Variants in CIZ1 observed in about 807,000 individuals in gnomAD.
CIZ1 encodes cip1-interacting zinc finger protein.
In CIZ1, 58 loss-of-function variants were observed where a neutral mutation model predicts 118.6. The ratio of observed to expected loss-of-function variants is 0.49; its 90% CI spans 0.40 to 0.61. CIZ1 has a LOEUF of 0.61. CIZ1 is among the 20% of genes least tolerant of loss of function. CIZ1 has a pLI of 0.00. For synonymous variants in CIZ1, 448 were observed against 443.4 expected (o/e 1.01, Z -0.13); for missense variants, 921 against 1,115.9 (o/e 0.83, Z 2.49).
At chr9:128,168,833 T>C (rs1829770818) in intron 14 of CIZ1, 4 of 611,868 alleles carry the variant, frequency 6.5e-6, no homozygotes, top group Non-Finnish European at 1.1e-5. Flanking sequence ...TCCACACAGG[T>C]CCAAATTTCA....
At chr9:128,176,239 G>C in intron 11 of CIZ1, 112 bp downstream of exon 11, 2 of 1,363,144 alleles carry the variant, frequency 1.5e-6, no homozygotes, top group Non-Finnish European at 2.0e-6. Flanking sequence ...AGGAGGCCTG[G>C]CTGGGGGTGC....
chr9:128,182,565 C>T (rs574920388), intron 5 of CIZ1, among the ~76,000 whole-genome samples: 6 of 152,286 alleles, frequency 3.9e-5, no homozygotes, highest in African/African-American at 1.2e-4. Context: ...TGCACACCCA[C>T]CCCTTCCCTG....
rs61757224 is a variant in CIZ1 at position 128,203,516 on chromosome 9, C to A, written c.-6+670G>T. 11,598 of 1,540,792 alleles carry A rather than the reference C, an allele frequency of 7.5e-3. 292 individuals carry two copies. In the East Asian group the frequency reaches 0.1, roughly 14 times the overall value. Reference sequence around the variant, plus strand: ...AGATCTCATCCCGCTGGTCAACCGGCTGCAAGACGCCTTCTCTGCCATCGG... The same window carrying A: ...AGATCTCATCCCGCTGGTCAACCGGATGCAAGACGCCTTCTCTGCCATCGG... On this transcript the variant is annotated intron_variant, in intron 1 of 17. Transcript: ENST00000372948. This position sits in a 1 kb window ranked among gnomAD's most constrained non-coding sequence, Gnocchi z 5.3.
upstream of CIZ1, among the ~76,000 whole-genome samples, chr9:128,194,733 G>A (rs1245528983): frequency 2.6e-5 from 4 of 152,128 alleles, no homozygotes; most frequent in East Asian, 3.9e-4. Flanking sequence ...CAGGAGAATC[G>A]CTTGAACCTG....
chr9:128,185,585 G>T lies in CIZ1; in HGVS notation c.550C>A (p.Gln184Lys). The T allele has an allele frequency of 6.5e-7, 1 of 1,530,470 alleles. No homozygotes were observed. 94.8% of individuals were successfully genotyped at this position (1,530,470 alleles called of 1,614,324 possible). A position where few individuals can be genotyped will look rare whatever the true frequency, so the allele number is the denominator to read the frequency against. ...GTGGTAGAGGAGGAGGTCCGGGCCT[G>T]TTTCTGGGGGTTCCGTCCTGAAAGG... ...FNLSGRNPQKQARTSSSTTPN... is the reference protein window; with the variant it reads ...FNLSGRNPQKKARTSSSTTPN... Residue 184 changes from glutamine (Q) to lysine (K), a missense_variant, in exon 5 of 17, where the codon CAG becomes AAG. By Grantham distance (53) the Gln-to-Lys change is moderately conservative. Coordinates refer to ENST00000372938, the MANE Select transcript of CIZ1 (RefSeq NM_001131016.2).
At chr9:128,189,278 T>G (rs1437719719) in intron 3 of CIZ1, among the ~76,000 whole-genome samples, 1 of 152,144 alleles carries the variant, frequency 6.6e-6, no homozygotes, top group East Asian at 1.9e-4. Context: ...AAAAGGAAGA[T>G]GTATATGTAT....
At chr9:128,202,131 A>G (rs990444074) in intron 1 of CIZ1, among the ~76,000 whole-genome samples, 5 of 152,232 alleles carry the variant, frequency 3.3e-5, no homozygotes, top group Non-Finnish European at 7.3e-5. Context: ...AGTCTAGCAT[A>G]GTACCTGGCT....
chr9:128,171,543 T>C (rs1742479085), intron 11 of CIZ1, among the ~76,000 whole-genome samples: 1 of 146,522 alleles, frequency 6.8e-6, no homozygotes, highest in African/African-American at 2.5e-5. Flanking sequence ...CTGACCAACA[T>C]GGTGAAACCC....
Position 128,203,730 on chromosome 9 carries a change from C to T in CIZ1, c.-6+456G>A. Reference sequence around the variant, plus strand: ...GGCGCGGCGACCTCGCAGCCCCCGACGCTGCACCCGCGGCCGGCGCGCCCC... The same window carrying T: ...GGCGCGGCGACCTCGCAGCCCCCGATGCTGCACCCGCGGCCGGCGCGCCCC... On this transcript the variant is annotated intron_variant, in intron 1 of 17. Transcript: ENST00000372948. The surrounding 1 kb of genome is among the most constrained non-coding windows in gnomAD (Gnocchi z 5.3). 1 of 1,152,764 alleles carries T rather than the reference C, an allele frequency of 8.7e-7. No homozygotes were observed. Among genetic ancestry groups the T allele is most frequent in the Non-Finnish European group, 1.1e-6 (1 of 912,766 alleles). 71.4% of individuals were successfully genotyped at this position (1,152,764 alleles called of 1,614,324 possible).
intron 1 of CIZ1, among the ~76,000 whole-genome samples, chr9:128,201,915 C>T (rs187197205): frequency 1.3e-3 from 192 of 152,288 alleles, no homozygotes; most frequent in Non-Finnish European, 2.1e-3. Flanking sequence ...CTCGAAGATT[C>T]CTCCCCACAA....
At chr9:128,197,282 C>T (rs561580048) in intron 1 of CIZ1, 2 of 152,350 alleles carry the variant, frequency 1.3e-5, no homozygotes, top group Admixed American at 1.3e-4. Flanking sequence ...TTCATCATAG[C>T]AGCCCTTCGC....
At chr9:128,185,144 G>A (rs1194929715) in intron 5 of CIZ1, among the ~76,000 whole-genome samples, 3 of 152,196 alleles carry the variant, frequency 2.0e-5, no homozygotes, top group African/African-American at 7.2e-5. Flanking sequence ...TGGGCGTGGT[G>A]GCGCATGCCT....
rs763085599 is a variant in CIZ1, at chr9:128,190,866, G to C, written c.-5-4C>G. ...TGCTGCTGGCTGAACATGGTGGCTA[G>C]GGGCAGAAAGCAGAGTGAGGCAAGG... is the stretch of plus-strand genomic sequence containing the variant. On this transcript the variant is annotated splice_region_variant and splice_polypyrimidine_tract_variant and intron_variant, in intron 1 of 16. Transcript: ENST00000372938. 2.0e-6 allele frequency: 3 copies of C among 1,537,408 alleles called. No individual in the cohort carries two copies. The highest frequency in any genetic ancestry group is 2.6e-6 in the Non-Finnish European group (3 of 1,145,932).
In CIZ1 at chr9:128,187,924, CT is replaced by C; in HGVS notation, c.296del (p.Gln99ArgfsTer71). 1.3e-6 allele frequency: 1 copy of C among 755,116 alleles called. No homozygotes were observed. Among genetic ancestry groups the C allele is most frequent in the Non-Finnish European group, 2.5e-6 (1 of 404,632 alleles). 46.8% of individuals were successfully genotyped at this position (755,116 alleles called of 1,614,324 possible). A position where few individuals can be genotyped will look rare whatever the true frequency, so the allele number is the denominator to read the frequency against. ...CATACGTGGCTGGTGGCATTGCAAACTGGTCCAGTCCTTTAGGAAAGCAATT... is the reference window on the plus strand; with the variant it reads ...CATACGTGGCTGGTGGCATTGCAAACGGTCCAGTCCTTTAGGAAAGCAATT... ...LLLQQLQGLD[Q>X]FAMPPATYDT... On this transcript the variant is annotated frameshift_variant, in exon 4 of 17. Transcript: ENST00000372938. LOFTEE classifies it high-confidence loss of function.
intron 5 of CIZ1, among the ~76,000 whole-genome samples, chr9:128,182,225 G>A (rs1343926597): frequency 6.6e-5 from 10 of 152,180 alleles, no homozygotes; most frequent in South Asian, 6.2e-4. Context: ...CAGTCTCTGC[G>A]CATTGGTGGT....
At chr9:128,195,776 A>C (rs1360513511), upstream of CIZ1, among the ~76,000 whole-genome samples, 1 of 152,186 alleles carries the variant, frequency 6.6e-6, no homozygotes, top group East Asian at 1.9e-4. Flanking sequence ...TTCTTTAAAA[A>C]ATTTTTGCTA....
chr9:128,167,744 C>G, intron 14 of CIZ1: 1 of 154,682 alleles, frequency 6.5e-6, no homozygotes, highest in Non-Finnish European at 1.5e-5. Flanking sequence ...GGTCATCTGA[C>G]TCTGGCCGTG....
intron 10 of CIZ1, among the ~76,000 whole-genome samples, chr9:128,177,174 C>T (rs942955418): frequency 2.0e-5 from 3 of 152,324 alleles, no homozygotes; most frequent in Middle Eastern, 3.4e-3. Context: ...AGGCGTGAGC[C>T]ACTGTGCCCG....
chr9:128,177,553 C>CAAAAAAA lies in CIZ1; in HGVS notation c.1818+12_1818+13insTTTTTTT. 2 of 441,376 alleles carry CAAAAAAA rather than the reference C, an allele frequency of 4.5e-6. No individual in the cohort carries two copies. The highest frequency in any genetic ancestry group is 3.1e-5 in the Admixed American group (1 of 32,666). The allele number at this position is 441,376 out of a possible 1,614,324, so 27.3% of individuals were successfully genotyped here. On this transcript the variant is annotated intron_variant, in intron 10 of 16. Coordinates refer to ENST00000372938, the MANE Select transcript of CIZ1 (RefSeq NM_001131016.2). Reference sequence around the variant, plus strand: ...GCCCCACCCCTCCCCACCCTTATCTCCTGTATCAGTACCTGCTGGCTGGAG... The same window carrying CAAAAAAA: ...GCCCCACCCCTCCCCACCCTTATCTCAAAAAAACTGTATCAGTACCTGCTGGCTGGAG...
Sources: gnomAD v4.1 joint callset for allele counts (sites outside exome capture counted in the v4.1 genomes callset) on GRCh38, gnomAD v4.1.1 for gene constraint, Gnocchi (gnomAD v3.1) non-coding constraint, MANE v1.5 for transcripts, NCBI Gene and HGNC (gene_info 2026-07-23, HGNC 2026-07-21) for gene names.